Variants in KALRN observed in about 807,000 individuals in gnomAD.
The protein encoded by KALRN is kalirin.
A neutral mutation model predicts 353.7 loss-of-function variants in KALRN; 70 were observed. The ratio of observed to expected loss-of-function variants is 0.20; its 90% confidence interval spans 0.16 to 0.24. The LOEUF is 0.24. KALRN is among the 10% of genes least tolerant of loss of function. KALRN has a pLI of 1.00. For missense variants in KALRN, 2,791 were observed against 3,756.7 expected (o/e 0.74, Z 6.72); for synonymous variants, 1,391 against 1,434.8 (o/e 0.97, Z 0.69).
At chr3:124,347,417 G>T (rs41264651) in intron 10 of KALRN, 152 bp downstream of exon 10, 77,665 of 880,738 alleles carry the variant, frequency 0.088, 12,082 homozygotes, top group East Asian at 0.14. Context: ...AGATGAGGGA[G>T]ACCAGGGCTG....
At chr3:124,339,034 G>A (rs1258499794) in intron 9 of KALRN, among the ~76,000 whole-genome samples, 2 of 152,144 alleles carry the variant, frequency 1.3e-5, no homozygotes, top group African/African-American at 4.8e-5. Context: ...TCAGAATTTG[G>A]GAATGAGGTG....
chr3:124,467,942 TAGGTAGGTAGGGTAGGTAGTCAGGC>T (rs2060499731), intron 25 of KALRN, among the ~76,000 whole-genome samples: 1 of 150,964 alleles, frequency 6.6e-6, no homozygotes, highest in Admixed American at 6.6e-5. Flanking sequence ...GGAGGGTGGA[TAGGTAGGTAGGGTAGGTAGTCAGGC>T]AGGTAGGTAG....
chr3:124,589,117 A>G (rs190821304), intron 34 of KALRN, among the ~76,000 whole-genome samples: 184 of 152,282 alleles, frequency 1.2e-3, no homozygotes, highest in African/African-American at 4.2e-3. Flanking sequence ...ATTTTTATCT[A>G]TAACTTTGTC....
intron 10 of KALRN, chr3:124,384,592 C>G: frequency 2.6e-6 from 1 of 385,678 alleles, no homozygotes; most frequent in Non-Finnish European, 4.7e-6. Context: ...CTACGCTCTC[C>G]CCACTTCTTT....
intron 15 of KALRN, 127 bp from the exon 16 acceptor site, chr3:124,430,529 G>C (rs1443322516): frequency 9.0e-7 from 1 of 1,112,482 alleles, no homozygotes; most frequent in Non-Finnish European, 1.3e-6. Context: ...GGTGACATTT[G>C]CTGTCCTCTC....
At chr3:124,608,278 A>G (rs779054919) in intron 34 of KALRN, among the ~76,000 whole-genome samples, 12 of 152,018 alleles carry the variant, frequency 7.9e-5, no homozygotes, top group Non-Finnish European at 1.6e-4. Context: ...AAGTGCTAGG[A>G]TTACAGGCAT....
At chr3:124,168,539 A>G (rs1400762859) in intron 1 of KALRN, among the ~76,000 whole-genome samples, 1 of 152,146 alleles carries the variant, frequency 6.6e-6, no homozygotes, top group Non-Finnish European at 1.5e-5. Context: ...GAGGGCCTGG[A>G]TCAGTGGCTC....
chr3:124,151,889 T>C, intron 1 of KALRN: 1 of 576,364 alleles, frequency 1.7e-6, no homozygotes, highest in Non-Finnish European at 3.0e-6. Context: ...TTATTACTAT[T>C]TTGTATTCAA....
intron 22 of KALRN, 121 bp downstream of exon 22, chr3:124,455,480 A>C: frequency 9.9e-7 from 1 of 1,008,618 alleles, no homozygotes; most frequent in Non-Finnish European, 1.4e-6. Context: ...ATTGACTCCT[A>C]GAGCGCTTGA....
chr3:124,262,959 CA>C (rs1441519512), intron 3 of KALRN, among the ~76,000 whole-genome samples: 1 of 152,068 alleles, frequency 6.6e-6, no homozygotes, highest in Non-Finnish European at 1.5e-5. Context: ...GTGAAGTAAC[CA>C]ATGTCTATTT....
At chr3:124,283,973 A>G (rs898782734) in intron 5 of KALRN, among the ~76,000 whole-genome samples, 2 of 152,344 alleles carry the variant, frequency 1.3e-5, no homozygotes. Flanking sequence ...ATCATATGCT[A>G]TACTCAGAAC....
intron 37 of KALRN, among the ~76,000 whole-genome samples, chr3:124,646,130 G>A (rs983021869): frequency 7.9e-5 from 12 of 152,082 alleles, no homozygotes; most frequent in African/African-American, 2.9e-4. Flanking sequence ...GTGGTAGGTG[G>A]CACTGGACCA....
rs189828252 is a variant in KALRN, at chr3:124,173,548, G to T, written c.74-54442G>T. On this transcript the variant is annotated intron_variant, in intron 1 of 59. Transcript: ENST00000682506. ...CTCTACTTTGTTTGTCTTTTGCCTTGGCCTGCTGGCCTAGTGATAATTGGG... is the reference window on the plus strand; with the variant it reads ...CTCTACTTTGTTTGTCTTTTGCCTTTGCCTGCTGGCCTAGTGATAATTGGG... 7.0e-4 allele frequency among the ~76,000 whole-genome samples: 107 copies of T among 152,292 alleles called. No individual in the cohort carries two copies. The South Asian group carries it at 0.015, about 21-fold the overall frequency.
intron 1 of KALRN, among the ~76,000 whole-genome samples, chr3:124,156,282 T>C (rs184074076): frequency 6.6e-6 from 1 of 152,234 alleles, no homozygotes; most frequent in Non-Finnish European, 1.5e-5. Context: ...ACAAACCTCA[T>C]TGGAGCAACA....
intron 10 of KALRN, among the ~76,000 whole-genome samples, chr3:124,380,144 C>T (rs974410173): frequency 1.8e-4 from 28 of 152,150 alleles, no homozygotes; most frequent in Non-Finnish European, 4.4e-5. Flanking sequence ...AGGAAGTAGC[C>T]TCTTGATTCT....
intron 10 of KALRN, among the ~76,000 whole-genome samples, chr3:124,361,816 G>A (rs2084070224): frequency 6.6e-6 from 1 of 151,912 alleles, no homozygotes; most frequent in Non-Finnish European, 1.5e-5. Context: ...AGTGGGGGTG[G>A]GGAGTAGTGA....
intron 1 of KALRN, among the ~76,000 whole-genome samples, chr3:124,059,143 C>T (rs1471705509): frequency 6.6e-6 from 1 of 152,170 alleles, no homozygotes; most frequent in Non-Finnish European, 1.5e-5. Flanking sequence ...TTTTCTGTGG[C>T]ACCCTTACGT....
chr3:124,269,045 G>C lies in KALRN; in HGVS notation c.759G>C (p.Arg253=), dbSNP rs773694931. ...AGGAGCTGGACCGGGAGGGGCAGCG[G>C]CTGCTGCAGTGCATCCGCTGCAGCG... The part of the protein sequence containing the change: ...PVEELDREGQ[R]LLQCIRCSDG... Residue 253 remains arginine, a synonymous_variant, in exon 5 of 60, where the codon CGG becomes CGC. Transcript: ENST00000682506. 2 of 1,612,814 alleles carry C rather than the reference G, an allele frequency of 1.2e-6. No individual in the cohort carries two copies. Among genetic ancestry groups the C allele is most frequent in the Non-Finnish European group, 1.7e-6 (2 of 1,179,690 alleles).
At chr3:124,492,191 G>GA (rs1561123148) in intron 31 of KALRN, among the ~76,000 whole-genome samples, 1 of 151,958 alleles carries the variant, frequency 6.6e-6, no homozygotes, top group Admixed American at 6.6e-5. Flanking sequence ...AGAATTACCA[G>GA]AAAAAAAATT....
Sources: allele counts gnomAD v4.1 joint callset (sites outside exome capture counted in the v4.1 genomes callset), GRCh38; gene constraint gnomAD v4.1.1; transcripts MANE v1.5; gene names NCBI Gene and HGNC (gene_info 2026-07-23, HGNC 2026-07-21).